The following PGM5 variants were observed in gnomAD, a reference collection of about 807,000 sequenced individuals.
PGM5 encodes phosphoglucomutase-like protein 5.
In PGM5, 23 loss-of-function variants were observed where a neutral mutation model predicts 59.2. That is an observed-to-expected ratio of 0.39 (90% CI 0.28 to 0.55). The LOEUF is 0.55. Ranked by LOEUF, PGM5 falls within the 20% of genes least tolerant of loss-of-function variation. The pLI, the probability that PGM5 is intolerant of heterozygous loss-of-function variation, is 0.66. For missense variants in PGM5, 574 were observed against 748.3 expected, an observed-to-expected ratio of 0.77 and a Z score of 2.72; for synonymous variants, 214 against 286.0, an observed-to-expected ratio of 0.75 and a Z score of 2.54.
At chr9:68,409,630 A>AGC (rs1554681454) in intron 6 of PGM5, among the ~76,000 whole-genome samples, 199 of 148,678 alleles carry the variant, frequency 1.3e-3, no homozygotes, top group Non-Finnish European at 2.3e-3. Flanking sequence ...CAAGAACAAA[A>AGC]AACCAAACAC....
intron 2 of PGM5, among the ~76,000 whole-genome samples, chr9:68,383,996 C>T (rs1253537935): frequency 1.3e-5 from 2 of 151,930 alleles, no homozygotes; most frequent in East Asian, 1.9e-4. Flanking sequence ...CTTCTAGATG[C>T]ACTGGGGAAG....
At chr9:68,486,393 C>T (rs1308937590) in intron 9 of PGM5, among the ~76,000 whole-genome samples, 1 of 152,110 alleles carries the variant, frequency 6.6e-6, no homozygotes, top group Non-Finnish European at 1.5e-5. Flanking sequence ...TTTCATCACC[C>T]CAGAAAAGAA....
chr9:68,449,375 G>A (rs890694798), intron 6 of PGM5, among the ~76,000 whole-genome samples: 5 of 152,164 alleles, frequency 3.3e-5, no homozygotes, highest in Non-Finnish European at 5.9e-5. Context: ...AGCCCTGGAG[G>A]GCAAAAAGAA....
At chr9:68,412,982 G>T (rs1554681730) in intron 6 of PGM5, among the ~76,000 whole-genome samples, 1 of 152,146 alleles carries the variant, frequency 6.6e-6, no homozygotes, top group African/African-American at 2.4e-5. Flanking sequence ...GCTTTAATTT[G>T]CTCCAACATC....
rs140045797 is a variant in PGM5 at position 68,492,910 on chromosome 9, C to G, written c.1480-6317C>G. ...CAGATGTTACGAAGCAGTATCTTCA[C>G]CTTGACGCTTTCCAGATAAATCGTT... On this transcript the variant is annotated intron_variant, in intron 9 of 10. Transcript: ENST00000396396. 1.5e-4 allele frequency among the ~76,000 whole-genome samples: 23 copies of G among 152,286 alleles called. No homozygotes were observed. In the East Asian group the frequency reaches 4.0e-3, roughly 27 times the overall value.
intron 8 of PGM5, among the ~76,000 whole-genome samples, chr9:68,481,803 C>G (rs1471891258): frequency 1.3e-5 from 2 of 151,968 alleles, no homozygotes; most frequent in African/African-American, 4.8e-5. Flanking sequence ...CCAAAAAGAT[C>G]ACAGAGATAA....
chr9:68,465,616 A>C (rs554348617), intron 7 of PGM5, among the ~76,000 whole-genome samples: 7 of 152,300 alleles, frequency 4.6e-5, no homozygotes, highest in Admixed American at 4.6e-4. Flanking sequence ...ATCCGTAAGC[A>C]TTTCAAGATG....
At chr9:68,373,334 T>C (rs576316864) in intron 1 of PGM5, among the ~76,000 whole-genome samples, 4 of 152,090 alleles carry the variant, frequency 2.6e-5, no homozygotes, top group East Asian at 3.9e-4. Flanking sequence ...AGATCTCACA[T>C]AGGTAAAATT....
chr9:68,508,978 C>G (rs1824701825), intron 10 of PGM5, among the ~76,000 whole-genome samples: 1 of 152,168 alleles, frequency 6.6e-6, no homozygotes, highest in Admixed American at 6.6e-5. Flanking sequence ...TTGCCTGTGG[C>G]CTTCAGAAGG....
At chr9:68,372,359 T>C (rs1821758580) in intron 1 of PGM5, among the ~76,000 whole-genome samples, 1 of 151,584 alleles carries the variant, frequency 6.6e-6, no homozygotes, top group Non-Finnish European at 1.5e-5. Context: ...TTTGCATCTG[T>C]CTTCATATCT....
intron 10 of PGM5, among the ~76,000 whole-genome samples, chr9:68,510,741 G>C (rs1824736170): frequency 6.6e-6 from 1 of 152,070 alleles, no homozygotes; most frequent in South Asian, 2.1e-4. Context: ...AAGGTGGTTG[G>C]GTTACACTTG....
rs782232185 is a variant in PGM5 at position 68,384,498 on chromosome 9, A to T, written c.525A>T (p.Leu175=). Residue 175 remains leucine, a synonymous_variant, in exon 3 of 11, where the codon CTA becomes CTT. Transcript: ENST00000396396. Reference sequence around the variant, plus strand: ...ATCTCCGAATCGACCTATCTCGACTAGGAAGACAAGAATTTGACCTAGAAA... The same window carrying T: ...ATCTCCGAATCGACCTATCTCGACTTGGAAGACAAGAATTTGACCTAGAAA... The part of the protein sequence containing the change: ...CPDLRIDLSR[L]GRQEFDLENK... 1.2e-6 allele frequency: 2 copies of T among 1,610,136 alleles called. No individual in the cohort carries two copies. Among genetic ancestry groups the T allele is most frequent in the Non-Finnish European group, 1.7e-6 (2 of 1,177,082 alleles).
At chr9:68,490,522 T>C (rs1281779958) in intron 9 of PGM5, among the ~76,000 whole-genome samples, 1 of 152,108 alleles carries the variant, frequency 6.6e-6, no homozygotes, top group African/African-American at 2.4e-5. Flanking sequence ...ACCCGGCTAA[T>C]TTTTGTATTT....
At chr9:68,462,527 C>T (rs924271834) in intron 6 of PGM5, among the ~76,000 whole-genome samples, 4 of 152,040 alleles carry the variant, frequency 2.6e-5, no homozygotes, top group South Asian at 4.2e-4. Context: ...TAAAAGTATC[C>T]GGTCCTTTAA....
chr9:68,507,574 T>A (rs1824677465), intron 10 of PGM5, among the ~76,000 whole-genome samples: 1 of 140,926 alleles, frequency 7.1e-6, no homozygotes, highest in Non-Finnish European at 1.5e-5. Context: ...AAAATTTTAG[T>A]TCTGTAATTA....
intron 6 of PGM5, among the ~76,000 whole-genome samples, chr9:68,433,625 T>A (rs966122988): frequency 1.8e-4 from 28 of 152,302 alleles, no homozygotes; most frequent in Non-Finnish European, 3.8e-4. Flanking sequence ...TGGCTGTGTG[T>A]TTATGCATGA....
chr9:68,475,105 C>T (rs1336204663), intron 7 of PGM5, among the ~76,000 whole-genome samples: 1 of 150,794 alleles, frequency 6.6e-6, no homozygotes, highest in Admixed American at 6.6e-5. Context: ...CCTCTACCTT[C>T]TGGGTTCAAA....
At position 68,358,768 on chromosome 9, in the gene PGM5, A is replaced by G. The variant is rs545807738; in HGVS notation, c.261+1380A>G. Among the ~76,000 whole-genome samples the G allele has an allele frequency of 5.3e-5, 8 of 152,130 alleles. No homozygotes were observed. The South Asian group carries it at 1.7e-3, about 32-fold the overall frequency. ...GAAAGAGGATTTTTTTAAAAACATAATAAAACGCAATTGGGAGAAACAGGG... is the reference window on the plus strand; with the variant it reads ...GAAAGAGGATTTTTTTAAAAACATAGTAAAACGCAATTGGGAGAAACAGGG... On this transcript the variant is annotated intron_variant, in intron 1 of 10. Transcript: ENST00000396396.
At chr9:68,499,952 A>G (rs1434172616) in intron 10 of PGM5, among the ~76,000 whole-genome samples, 1 of 152,214 alleles carries the variant, frequency 6.6e-6, no homozygotes, top group Non-Finnish European at 1.5e-5. Flanking sequence ...TAACACAACC[A>G]TAAGCCTCTC....
Sources: allele counts gnomAD v4.1 joint callset (sites outside exome capture counted in the v4.1 genomes callset), GRCh38; gene constraint gnomAD v4.1.1; transcripts MANE v1.5; gene names NCBI Gene and HGNC (gene_info 2026-07-23, HGNC 2026-07-21).